Variants in HLF observed in about 807,000 individuals in gnomAD.
HLF encodes the protein hepatic leukemia factor.
Under a neutral mutation model 22.6 loss-of-function variants are expected in HLF, and 3 were observed. The ratio of observed to expected loss-of-function variants is 0.13; its 90% confidence interval spans 0.06 to 0.34. The LOEUF is 0.34. Ranked by LOEUF, HLF falls within the 10% of genes least tolerant of loss-of-function variation. The probability of loss-of-function intolerance (pLI) is 1.00; values close to 1 mark genes in which losing one functional copy is unlikely to be tolerated. For missense variants in HLF, 299 were observed against 389.2 expected (o/e 0.77, Z 1.95); for synonymous variants, 151 against 151.8 (o/e 0.99, Z 0.04).
intron 1 of HLF, chr17:55,265,899 C>G (rs1249439375): frequency 1.8e-6 from 2 of 1,120,810 alleles, no homozygotes; most frequent in Non-Finnish European, 2.2e-6. Context: ...CAGGATCGTT[C>G]CCTAGAACGA....
At chr17:55,287,767 G>A (rs969517738) in intron 2 of HLF, among the ~76,000 whole-genome samples, 1 of 152,204 alleles carries the variant, frequency 6.6e-6, no homozygotes, top group Non-Finnish European at 1.5e-5. Context: ...AAGTACTCTG[G>A]ATACCTTGGT....
At chr17:55,313,013 G>T (rs1372767813) in intron 2 of HLF, among the ~76,000 whole-genome samples, 2 of 152,160 alleles carry the variant, frequency 1.3e-5, no homozygotes, top group Non-Finnish European at 2.9e-5. Flanking sequence ...ACCTGGTTTT[G>T]TTTCGCAGGT....
At chr17:55,294,875 G>C (rs1352153834) in intron 2 of HLF, among the ~76,000 whole-genome samples, 2 of 152,204 alleles carry the variant, frequency 1.3e-5, no homozygotes, top group East Asian at 3.8e-4. Context: ...AGGTCTTGCT[G>C]TCAAGTCGGA....
chr17:55,281,029 T>G (rs1367811570), intron 2 of HLF, among the ~76,000 whole-genome samples: 1 of 152,216 alleles, frequency 6.6e-6, no homozygotes, highest in African/African-American at 2.4e-5. Context: ...GCCCTTGGCA[T>G]GGGTCACGCT....
chr17:55,315,935 C>A (rs1905048194), intron 3 of HLF, among the ~76,000 whole-genome samples: 1 of 152,204 alleles, frequency 6.6e-6, no homozygotes. Flanking sequence ...ATATTGCCAA[C>A]CTTGGATGAC....
At chr17:55,276,023 G>A (rs1046983767) in intron 2 of HLF, among the ~76,000 whole-genome samples, 2 of 152,154 alleles carry the variant, frequency 1.3e-5, no homozygotes, top group African/African-American at 4.8e-5. Context: ...CAAGAGGATC[G>A]CCTGAGCCCA....
At chr17:55,270,352 A>T in intron 2 of HLF, among the ~76,000 whole-genome samples, 1 of 152,208 alleles carries the variant, frequency 6.6e-6, no homozygotes, top group East Asian at 1.9e-4. Context: ...CAAATACCAA[A>T]CTCAGGTAAA....
At chr17:55,289,031 T>A (rs568800896) in intron 2 of HLF, 1 of 668,534 alleles carries the variant, frequency 1.5e-6, no homozygotes, top group South Asian at 6.7e-5. Flanking sequence ...AGGATGCAGA[T>A]GGATATAAAT....
chr17:55,318,569 ACCC>A (rs1164651923), intron 3 of HLF, among the ~76,000 whole-genome samples: 1 of 151,644 alleles, frequency 6.6e-6, no homozygotes, highest in African/African-American at 2.4e-5. Context: ...CTATGGTGGG[ACCC>A]CCCATTCCTC....
At chr17:55,303,062 G>A (rs888651906) in intron 2 of HLF, among the ~76,000 whole-genome samples, 2 of 152,212 alleles carry the variant, frequency 1.3e-5, no homozygotes, top group Non-Finnish European at 2.9e-5. Flanking sequence ...AAAAGCAGAA[G>A]TCCCCTCCCC....
At chr17:55,298,699 ACTT>A (rs1219488357) in intron 2 of HLF, among the ~76,000 whole-genome samples, 1 of 152,184 alleles carries the variant, frequency 6.6e-6, no homozygotes, top group African/African-American at 2.4e-5. Flanking sequence ...AAATTTACCT[ACTT>A]CTCCCTACCA....
At chr17:55,292,127 G>A (rs1205084644) in intron 2 of HLF, among the ~76,000 whole-genome samples, 1 of 152,172 alleles carries the variant, frequency 6.6e-6, no homozygotes, top group Non-Finnish European at 1.5e-5. Context: ...GCCAGCAAAG[G>A]ATTTAGAATA....
At chr17:55,314,102 G>A (rs1406931510) in intron 2 of HLF, among the ~76,000 whole-genome samples, 1 of 152,156 alleles carries the variant, frequency 6.6e-6, no homozygotes, top group African/African-American at 2.4e-5. Flanking sequence ...GGGCGTGAGA[G>A]GAGTGATTGT....
chr17:55,272,032 G>C (rs907599419), intron 2 of HLF: 2 of 152,238 alleles, frequency 1.3e-5, no homozygotes, highest in Admixed American at 1.3e-4. Context: ...TTTCTGGGCT[G>C]ACATCTTAAT....
At position 55,267,955 on chromosome 17, in the gene HLF, G is replaced by A; in HGVS notation, c.320G>A (p.Ser107Asn). 6.2e-6 allele frequency: 10 copies of A among 1,614,100 alleles called. No individual in the cohort carries two copies. Among genetic ancestry groups the A allele is most frequent in the East Asian group, 2.2e-5 (1 of 44,878 alleles). ...CCCAGCCCATCTCAGCATGACCACA[G>A]CCCTCACCCTCCTGGGCTGCAGCCA... ...IPPSPSQHDH[S>N]PHPPGLQPAS... Residue 107 changes from serine to asparagine, a missense_variant, in exon 2 of 4, where the codon AGC (serine) becomes AAC (asparagine). By Grantham distance (46) the Ser-to-Asn change is conservative. Transcript: ENST00000226067.
chr17:55,268,266 A>G (rs899403874), intron 2 of HLF, among the ~76,000 whole-genome samples, 180 bp downstream of exon 2: 13 of 152,090 alleles, frequency 8.5e-5, no homozygotes, highest in African/African-American at 3.1e-4. Context: ...CATATCACTC[A>G]TCTGGAGAGT....
chr17:55,315,089 G>T, intron 2 of HLF, 138 bp from the exon 3 acceptor site: 1 of 671,884 alleles, frequency 1.5e-6, no homozygotes, highest in Non-Finnish European at 2.6e-6. Context: ...ATGCAGTGCG[G>T]ATGAGTAAGA....
intron 2 of HLF, among the ~76,000 whole-genome samples, chr17:55,269,777 A>G (rs560677313): frequency 6.6e-6 from 1 of 152,198 alleles, no homozygotes; most frequent in South Asian, 2.1e-4. Flanking sequence ...CTTCTGAAAT[A>G]TCTTCGTAAG....
At chr17:55,267,139 C>T (rs573302662) in intron 1 of HLF, among the ~76,000 whole-genome samples, 1 of 152,176 alleles carries the variant, frequency 6.6e-6, no homozygotes, top group East Asian at 1.9e-4. Context: ...TCAGAGCCTC[C>T]GAGTCTTTGT....
Sources: allele counts gnomAD v4.1 joint callset (sites outside exome capture counted in the v4.1 genomes callset), GRCh38; gene constraint gnomAD v4.1.1; transcripts MANE v1.5; gene names NCBI Gene and HGNC (gene_info 2026-07-23, HGNC 2026-07-21).